USP6NL: variants seen among roughly 807,000 people sequenced by gnomAD.
USP6NL encodes USP6 N-terminal-like protein.
Under a neutral mutation model 61.9 loss-of-function variants are expected in USP6NL, and 26 were observed. That is an observed-to-expected ratio of 0.42 (90% CI 0.31 to 0.58). The LOEUF (loss-of-function observed/expected upper bound fraction) is 0.58, where lower values mean the gene tolerates loss of function less well. USP6NL is among the 20% of genes least tolerant of loss of function. USP6NL has a pLI of 0.16. For synonymous variants in USP6NL, 432 were observed against 390.1 expected, an observed-to-expected ratio of 1.11 and a Z score of -1.27; for missense variants, 1,114 against 1,034.3, an observed-to-expected ratio of 1.08 and a Z score of -1.06.
rs1193403154 is a variant in USP6NL at position 11,478,638 on chromosome 10, G to C, written c.1078+3132C>G. Reference sequence around the variant, plus strand: ...ATATGCAAAGTGTAACTGGAGGCCGGATACTCCTGTTATCCTAGCACTTTG... The same window carrying C: ...ATATGCAAAGTGTAACTGGAGGCCGCATACTCCTGTTATCCTAGCACTTTG... On this transcript the variant is annotated intron_variant, in intron 14 of 14. Transcript: ENST00000609104. This position sits in a 1 kb window ranked among gnomAD's most constrained non-coding sequence, Gnocchi z 6.8. Among the ~76,000 whole-genome samples the C allele has an allele frequency of 6.6e-6, 1 of 152,066 alleles. No homozygotes were observed. Among genetic ancestry groups the C allele is most frequent in the Non-Finnish European group, 1.5e-5 (1 of 68,020 alleles).
At chr10:11,539,108 G>C (rs572401122) in intron 2 of USP6NL, among the ~76,000 whole-genome samples, 2 of 152,176 alleles carry the variant, frequency 1.3e-5, no homozygotes, top group African/African-American at 2.4e-5. Context: ...GAAGCACCTG[G>C]GCAAGACAGG....
At chr10:11,564,952 A>T (rs911533044) in intron 2 of USP6NL, 6 of 152,252 alleles carry the variant, frequency 3.9e-5, no homozygotes, top group African/African-American at 1.4e-4. Context: ...ATATTGACTA[A>T]TTATGGATTT....
intron 2 of USP6NL, among the ~76,000 whole-genome samples, chr10:11,555,173 T>C (rs369761508): frequency 6.8e-6 from 1 of 146,304 alleles, no homozygotes; most frequent in East Asian, 2.1e-4. Context: ...CCCAGCACTT[T>C]GGGAGGCCGA....
At chr10:11,515,858 C>G (rs984292222) in intron 5 of USP6NL, among the ~76,000 whole-genome samples, 1 of 151,978 alleles carries the variant, frequency 6.6e-6, no homozygotes, top group African/African-American at 2.4e-5. Flanking sequence ...TACAGAACAC[C>G]CTGACATTGG....
At chr10:11,467,942 T>C (rs1387116308) in intron 14 of USP6NL, among the ~76,000 whole-genome samples, 1 of 152,202 alleles carries the variant, frequency 6.6e-6, no homozygotes, top group Non-Finnish European at 1.5e-5. Context: ...TTGTAAAAAA[T>C]ATTTTTAGCT....
intron 5 of USP6NL, among the ~76,000 whole-genome samples, chr10:11,515,825 G>A (rs1834933507): frequency 6.6e-6 from 1 of 152,130 alleles, no homozygotes; most frequent in Non-Finnish European, 1.5e-5. Context: ...AAGACAAGAA[G>A]TACAAAAAGA....
At chr10:11,560,791 A>T (rs1836904417) in intron 2 of USP6NL, among the ~76,000 whole-genome samples, 1 of 150,504 alleles carries the variant, frequency 6.6e-6, no homozygotes, top group Non-Finnish European at 1.5e-5. Flanking sequence ...CAAAATCTTT[A>T]CTCAGAACTA....
At chr10:11,469,973 C>T (rs1198876564) in intron 14 of USP6NL, among the ~76,000 whole-genome samples, 1 of 152,346 alleles carries the variant, frequency 6.6e-6, no homozygotes, top group Non-Finnish European at 1.5e-5. Flanking sequence ...TGCCTAACAC[C>T]TCTGAATAGT....
In USP6NL at chr10:11,553,643, C is replaced by T. The variant is rs1162265799; in HGVS notation, c.5-26076G>A. 6.6e-6 allele frequency among the ~76,000 whole-genome samples: 1 copy of T among 151,990 alleles called. No individual in the cohort carries two copies. Among genetic ancestry groups the T allele is most frequent in the Non-Finnish European group, 1.5e-5 (1 of 67,990 alleles). On this transcript the variant is annotated intron_variant, in intron 2 of 14. Transcript: ENST00000609104. This position sits in a 1 kb window ranked among gnomAD's most constrained non-coding sequence, Gnocchi z 4.8. The stretch of plus-strand genomic sequence containing the variant: ...GGTGTGGTGGCTCATGCCTGTAATC[C>T]CGGTACGTTGGAAGGCTGAGGTGGG...
rs1220049765 is a variant in USP6NL at position 11,483,613 on chromosome 10, GA to G, written c.925+1357del. Among the ~76,000 whole-genome samples the G allele has an allele frequency of 9.9e-4, 16 of 16,196 alleles. 1 individual carries two copies. The highest frequency in any genetic ancestry group is 0.01 in the South Asian group (2 of 200). The allele number at this position is 16,196 out of a possible 152,430, so 10.6% of individuals were successfully genotyped here. On this transcript the variant is annotated intron_variant, in intron 13 of 14. Coordinates refer to ENST00000609104, the MANE Select transcript of USP6NL (RefSeq NM_014688.5). ...GAGAGAGGGGGAGGGGGGAGGGGGAGAGGGGGGGAGAAGGGGAGGGAGAGGG... is the reference window on the plus strand; with the variant it reads ...GAGAGAGGGGGAGGGGGGAGGGGGAGGGGGGGGAGAAGGGGAGGGAGAGGG...
intron 2 of USP6NL, among the ~76,000 whole-genome samples, chr10:11,583,967 T>G (rs767747965): frequency 6.6e-6 from 1 of 152,098 alleles, no homozygotes; most frequent in Non-Finnish European, 1.5e-5. Flanking sequence ...AGTCAGAGGT[T>G]GCAGTGAGGC....
chr10:11,607,964 A>C (rs987659551), intron 1 of USP6NL, among the ~76,000 whole-genome samples: 1 of 152,226 alleles, frequency 6.6e-6, no homozygotes. Flanking sequence ...TTTAGAGCTA[A>C]GAACACTTAA....
At chr10:11,519,830 G>C (rs552219207) in intron 4 of USP6NL, among the ~76,000 whole-genome samples, 46 of 152,186 alleles carry the variant, frequency 3.0e-4, no homozygotes, top group Non-Finnish European at 5.4e-4. Context: ...CATAAACAAA[G>C]TTATGCACTT....
chr10:11,541,316 A>G (rs1367118427), intron 2 of USP6NL, among the ~76,000 whole-genome samples: 3 of 142,514 alleles, frequency 2.1e-5, no homozygotes, highest in Non-Finnish European at 3.0e-5. Flanking sequence ...TTAAGTAGCA[A>G]CTAAGAACCT....
At chr10:11,493,734 A>C (rs1833797045) in intron 7 of USP6NL, among the ~76,000 whole-genome samples, 1 of 152,180 alleles carries the variant, frequency 6.6e-6, no homozygotes, top group East Asian at 1.9e-4. Context: ...CACCAGCTTC[A>C]TCTTGCTGTC....
intron 2 of USP6NL, among the ~76,000 whole-genome samples, chr10:11,581,344 C>T (rs1005872247): frequency 6.6e-5 from 10 of 152,196 alleles, no homozygotes; most frequent in African/African-American, 9.7e-5. Flanking sequence ...TCATATGTGT[C>T]ATCAACATCA....
chr10:11,578,575 C>G (rs75560606), intron 2 of USP6NL, among the ~76,000 whole-genome samples: 13,412 of 152,084 alleles, frequency 0.088, 1,034 homozygotes, highest in East Asian at 0.43. Flanking sequence ...CTGCACTCCA[C>G]CTCTAGCCTG....
intron 2 of USP6NL, among the ~76,000 whole-genome samples, chr10:11,594,488 T>C (rs181255086): frequency 1.1e-4 from 17 of 152,216 alleles, no homozygotes; most frequent in Non-Finnish European, 1.9e-4. Context: ...TTAAGCCCTA[T>C]AGGATCAAGT....
chr10:11,581,427 A>C (rs1837769314), intron 2 of USP6NL, among the ~76,000 whole-genome samples: 1 of 152,248 alleles, frequency 6.6e-6, no homozygotes, highest in Non-Finnish European at 1.5e-5. Flanking sequence ...GATCATACGA[A>C]TAACAACCCA....
Sources: allele counts gnomAD v4.1 joint callset (sites outside exome capture counted in the v4.1 genomes callset), GRCh38; gene constraint gnomAD v4.1.1; non-coding constraint Gnocchi (gnomAD v3.1); transcripts MANE v1.5; gene names NCBI Gene and HGNC (gene_info 2026-07-23, HGNC 2026-07-21).